TMEM217: variants seen among roughly 807,000 people sequenced by gnomAD.
The protein encoded by TMEM217 is transmembrane protein 217, also known as chromosome 6 open reading frame 128.
For synonymous variants in TMEM217, 76 were observed against 88.3 expected, an observed-to-expected ratio of 0.86 and a Z score of 0.78; for missense variants, 204 against 248.8, an observed-to-expected ratio of 0.82 and a Z score of 1.21.
chr6:37,239,824 A>G (rs944074635), intron 1 of TMEM217, among the ~76,000 whole-genome samples: 5 of 151,800 alleles, frequency 3.3e-5, no homozygotes, highest in African/African-American at 1.2e-4. Flanking sequence ...CTCCCCTTAA[A>G]TAGGAGGATC....
exon 4 of TMEM217, chr6:37,212,432 A>G (rs1762958104): frequency 2.4e-6 from 1 of 421,390 alleles, no homozygotes; most frequent in Non-Finnish European, 4.8e-6. Context: ...AACTTCCGGT[A>G]CAACATTCCC....
intron 1 of TMEM217, among the ~76,000 whole-genome samples, chr6:37,229,347 T>TTTTTG (rs1562010341): frequency 2.3e-5 from 3 of 131,136 alleles, no homozygotes; most frequent in Non-Finnish European, 3.2e-5. Flanking sequence ...TTTTTTTTTT[T>TTTTTG]TTTTTTTTTT....
Position 37,251,282 on chromosome 6 carries a change from T to A in TMEM217, c.-12+6286A>T, listed in dbSNP as rs376941152. On this transcript the variant is annotated intron_variant, in intron 1 of 1. Transcript: ENST00000357219. ...ACATATGGGAATGAACACCCACTCATCTTGCTTACAAACTGCAAAAGGACT... is the reference window on the plus strand; with the variant it reads ...ACATATGGGAATGAACACCCACTCAACTTGCTTACAAACTGCAAAAGGACT... 2.7e-5 allele frequency among the ~76,000 whole-genome samples: 4 copies of A among 149,884 alleles called. No homozygotes were observed. The South Asian group carries it at 6.5e-4, about 24-fold the overall frequency.
intron 1 of TMEM217, among the ~76,000 whole-genome samples, chr6:37,248,240 C>T (rs1047811627): frequency 1.3e-5 from 2 of 152,108 alleles, no homozygotes; most frequent in Non-Finnish European, 1.5e-5. Flanking sequence ...AGATTATACA[C>T]TTGTTGAGGA....
intron 1 of TMEM217, among the ~76,000 whole-genome samples, chr6:37,256,358 A>G (rs1212641564): frequency 6.6e-6 from 1 of 152,182 alleles, no homozygotes; most frequent in Non-Finnish European, 1.5e-5. Flanking sequence ...TAAAGACAAA[A>G]CATCAGCCTT....
At chr6:37,235,435 G>A (rs1302364016) in intron 1 of TMEM217, among the ~76,000 whole-genome samples, 6 of 151,802 alleles carry the variant, frequency 4.0e-5, no homozygotes, top group African/African-American at 1.2e-4. Context: ...GTGCCATCTC[G>A]GCTCACTGCA....
downstream of TMEM217, among the ~76,000 whole-genome samples, chr6:37,216,237 C>A (rs2113803631): frequency 6.6e-6 from 1 of 152,132 alleles, no homozygotes; most frequent in African/African-American, 2.4e-5. Flanking sequence ...TGCCACTATA[C>A]CCGCCTAATT....
chr6:37,242,191 T>C (rs1380241144), intron 1 of TMEM217, among the ~76,000 whole-genome samples: 1 of 152,136 alleles, frequency 6.6e-6, no homozygotes, highest in Non-Finnish European at 1.5e-5. Context: ...CTGGAGACTA[T>C]GGCTTAGAGC....
intron 1 of TMEM217, among the ~76,000 whole-genome samples, chr6:37,247,460 T>G (rs1765156332): frequency 6.6e-6 from 1 of 150,742 alleles, no homozygotes; most frequent in South Asian, 2.1e-4. Flanking sequence ...CGACCTCAGC[T>G]CACTGCAACC....
At position 37,229,334 on chromosome 6, in the gene TMEM217, A is replaced by AGTTTTT. The variant is rs1764038674; in HGVS notation, c.-11-10299_-11-10294dup. ...CTGACTCGTCTCCCTAGCAACTTTC[A>AGTTTTT]GTTTTTTTTTTTTTTTTTTTTTTTT... is the stretch of plus-strand genomic sequence containing the variant. On this transcript the variant is annotated intron_variant, in intron 1 of 1. Transcript: ENST00000357219. Among the ~76,000 whole-genome samples the AGTTTTT allele has an allele frequency of 2.0e-4, 6 of 30,304 alleles. 1 individual carries two copies. Among genetic ancestry groups the AGTTTTT allele is most frequent in the African/African-American group, 6.3e-4 (4 of 6,396 alleles). 19.9% of individuals were successfully genotyped at this position (30,304 alleles called of 152,430 possible). A position where few individuals can be genotyped will look rare whatever the true frequency, so the allele number is the denominator to read the frequency against.
At chr6:37,213,359 C>T (rs2113793681), downstream of TMEM217, among the ~76,000 whole-genome samples, 1 of 152,352 alleles carries the variant, frequency 6.6e-6, no homozygotes, top group African/African-American at 2.4e-5. Flanking sequence ...AAGCTCCCAT[C>T]TGGGGAGTTT....
chr6:37,222,539 A>C (rs1021762069), intron 1 of TMEM217, among the ~76,000 whole-genome samples: 1 of 152,160 alleles, frequency 6.6e-6, no homozygotes. Context: ...CGGGTCTCCT[A>C]CTTGTCCCTG....
downstream of TMEM217, among the ~76,000 whole-genome samples, chr6:37,216,409 T>C (rs1449196493): frequency 6.6e-6 from 1 of 152,180 alleles, no homozygotes; most frequent in Non-Finnish European, 1.5e-5. Flanking sequence ...TCTTTCTTGC[T>C]GCTGTGAGGG....
exon 1 of TMEM217, chr6:37,257,822 G>C: frequency 7.2e-7 from 1 of 1,398,322 alleles, no homozygotes; most frequent in Non-Finnish European, 9.8e-7. Flanking sequence ...CGGCGGCGGG[G>C]AAGCGGCCTG....
intron 1 of TMEM217, among the ~76,000 whole-genome samples, chr6:37,250,034 T>C (rs909185858): frequency 3.3e-5 from 5 of 152,156 alleles, no homozygotes; most frequent in Non-Finnish European, 7.3e-5. Flanking sequence ...ATAGATAAAA[T>C]ATGGTATTAT....
chr6:37,220,421 G>C (rs989407708), intron 1 of TMEM217, among the ~76,000 whole-genome samples: 7 of 152,160 alleles, frequency 4.6e-5, no homozygotes, highest in Non-Finnish European at 7.3e-5. Flanking sequence ...TTAGGGGAAA[G>C]GTGAATCAGA....
At chr6:37,215,394 G>A, downstream of TMEM217, 1 of 1,282,428 alleles carries the variant, frequency 7.8e-7, no homozygotes, top group Admixed American at 2.5e-5. Flanking sequence ...AGCCAACATG[G>A]TGAAACCCCA....
chr6:37,252,484 A>G (rs1254089426), intron 1 of TMEM217, among the ~76,000 whole-genome samples: 1 of 151,506 alleles, frequency 6.6e-6, no homozygotes, highest in Non-Finnish European at 1.5e-5. Flanking sequence ...TACATAACAT[A>G]CATATACATG....
rs34287428 is a variant in TMEM217, at chr6:37,255,330, TG to T, written c.-12+2237del. On this transcript the variant is annotated intron_variant, in intron 1 of 1. Transcript: ENST00000357219. ...AGCTTGGATTTTATGCCAAGTACAA[TG>T]GGGGCCATTGCAAAGTTTTCAGCAG... is the stretch of plus-strand genomic sequence containing the variant. 2.0e-3 allele frequency among the ~76,000 whole-genome samples: 299 copies of T among 152,180 alleles called. 5 individuals carry two copies. In the South Asian group the frequency reaches 0.028, roughly 14 times the overall value.
Sources: gnomAD v4.1 joint callset for allele counts (sites outside exome capture counted in the v4.1 genomes callset) on GRCh38, gnomAD v4.1.1 for gene constraint, MANE v1.5 for transcripts, NCBI Gene and HGNC (gene_info 2026-07-23, HGNC 2026-07-21) for gene names.